The following GLIS3 variants were observed in gnomAD, a reference collection of about 807,000 sequenced individuals.
GLIS3 encodes the protein GLIS family zinc finger 3.
In GLIS3, 53 loss-of-function variants were observed where a neutral mutation model predicts 78.6. That is an observed-to-expected ratio of 0.67 (90% CI 0.54 to 0.85). The LOEUF (loss-of-function observed/expected upper bound fraction) is 0.85. Ranked by LOEUF, GLIS3 falls within the 40% of genes least tolerant of loss-of-function variation. The pLI, the probability that GLIS3 is intolerant of heterozygous loss-of-function variation, is 0.00. For synonymous variants in GLIS3, 684 were observed against 509.9 expected, an observed-to-expected ratio of 1.34 and a Z score of -4.60; for missense variants, 1,703 against 1,231.1, an observed-to-expected ratio of 1.38 and a Z score of -5.74.
the GLIS3 span, among the ~76,000 whole-genome samples, chr9:4,419,019 C>A: frequency 2.6e-5 from 4 of 152,138 alleles, no homozygotes; most frequent in African/African-American, 9.7e-5. Context: ...ATGACACAGG[C>A]CTTGCAATCT....
intron 2 of GLIS3, among the ~76,000 whole-genome samples, chr9:4,314,285 C>G (rs1817407475): frequency 6.6e-6 from 1 of 152,110 alleles, no homozygotes; most frequent in Admixed American, 6.5e-5. Context: ...AATCAAGAAC[C>G]CTTGACTTCC....
At chr9:4,007,533 T>A (rs1307487190) in intron 4 of GLIS3, among the ~76,000 whole-genome samples, 1 of 152,034 alleles carries the variant, frequency 6.6e-6, no homozygotes, top group African/African-American at 2.4e-5. Flanking sequence ...GTACTAACCA[T>A]CTCAGGGATA....
intron 4 of GLIS3, among the ~76,000 whole-genome samples, chr9:3,999,701 C>T (rs1213515437): frequency 6.6e-6 from 1 of 152,050 alleles, no homozygotes; most frequent in East Asian, 1.9e-4. Flanking sequence ...TATAATTGAT[C>T]TACATATTTA....
At chr9:4,144,472 A>G (rs1430711741) in intron 2 of GLIS3, among the ~76,000 whole-genome samples, 2 of 152,236 alleles carry the variant, frequency 1.3e-5, no homozygotes, top group Non-Finnish European at 2.9e-5. Context: ...TAGTCGGTCA[A>G]ATGAAAATTC....
intron 7 of GLIS3, among the ~76,000 whole-genome samples, chr9:3,886,223 C>A (rs147911805): frequency 2.0e-5 from 3 of 152,178 alleles, no homozygotes; most frequent in African/African-American, 7.2e-5. Context: ...TGTGGTGTTA[C>A]TTTACAAATG....
chr9:4,132,041 TG>T (rs1158585648), intron 2 of GLIS3, among the ~76,000 whole-genome samples: 5 of 150,580 alleles, frequency 3.3e-5, no homozygotes, highest in African/African-American at 1.2e-4. Flanking sequence ...CTACGGCCAA[TG>T]TTTTTTTTAA....
chr9:3,854,856 C>T (rs969779853), intron 9 of GLIS3, among the ~76,000 whole-genome samples: 1 of 152,086 alleles, frequency 6.6e-6, no homozygotes, highest in Non-Finnish European at 1.5e-5. Context: ...CTTTGATGTT[C>T]TTATCCAAGC....
Position 4,017,679 on chromosome 9 carries a change from T to C in GLIS3, c.1711-80490A>G, listed in dbSNP as rs115110222. Among the ~76,000 whole-genome samples the C allele has an allele frequency of 2.0e-3, 305 of 152,266 alleles. 2 individuals are homozygous for C. Among genetic ancestry groups the C allele is most frequent in the African/African-American group, 7.0e-3 (290 of 41,536 alleles). On this transcript the variant is annotated intron_variant, in intron 4 of 10. Coordinates refer to ENST00000381971, the MANE Select transcript of GLIS3 (RefSeq NM_001042413.2). The stretch of plus-strand genomic sequence containing the variant: ...GGAGGAGAAGAGTCACAGACAAAGA[T>C]AGAACCCAGGATGCATAGCCTGGTA...
chr9:4,015,713 C>T (rs549972469), intron 4 of GLIS3, among the ~76,000 whole-genome samples: 93 of 151,926 alleles, frequency 6.1e-4, no homozygotes, highest in African/African-American at 2.1e-3. Context: ...CAAGGTGAAA[C>T]CCCATCTCTA....
intron 2 of GLIS3, among the ~76,000 whole-genome samples, chr9:4,197,019 T>TA (rs1170573637): frequency 6.6e-6 from 1 of 152,002 alleles, no homozygotes; most frequent in Admixed American, 6.5e-5. Flanking sequence ...TTCACGGACA[T>TA]AGATCGTGGT....
chr9:3,958,115 A>C (rs1026012413), intron 4 of GLIS3, among the ~76,000 whole-genome samples: 3 of 152,200 alleles, frequency 2.0e-5, no homozygotes, highest in African/African-American at 7.2e-5. Flanking sequence ...CCACTCTCTC[A>C]GTTCCCTGGA....
intron 1 of GLIS3, 146 bp from the exon 2 acceptor site, chr9:4,286,669 A>G (rs1257876054): frequency 1.8e-6 from 1 of 565,232 alleles, no homozygotes; most frequent in Non-Finnish European, 3.2e-6. Context: ...GTCCTCAAAT[A>G]CACGGCTCAT....
At chr9:4,069,921 A>G (rs1312414183) in intron 4 of GLIS3, among the ~76,000 whole-genome samples, 4 of 151,986 alleles carry the variant, frequency 2.6e-5, no homozygotes, top group Non-Finnish European at 4.4e-5. Context: ...GGATGTCAGG[A>G]AGATAAGCTT....
chr9:3,998,559 C>T (rs887382635), intron 4 of GLIS3, among the ~76,000 whole-genome samples: 22 of 151,482 alleles, frequency 1.5e-4, no homozygotes, highest in Non-Finnish European at 2.9e-4. Context: ...TTTAAGATTT[C>T]TTTGCAGATT....
chr9:4,332,753 G>A (rs1209539260), intron 2 of GLIS3, among the ~76,000 whole-genome samples: 2 of 152,166 alleles, frequency 1.3e-5, no homozygotes, highest in Admixed American at 1.3e-4. Flanking sequence ...TATTGATACA[G>A]ATTAAATTTG....
intron 8 of GLIS3, among the ~76,000 whole-genome samples, chr9:3,874,087 T>C (rs1821145687): frequency 1.3e-5 from 2 of 152,232 alleles, no homozygotes; most frequent in Admixed American, 6.5e-5. Flanking sequence ...AGTTGACTGA[T>C]GGCTGGCAGC....
the GLIS3 span, among the ~76,000 whole-genome samples, chr9:4,364,889 T>C: frequency 3.3e-5 from 5 of 150,518 alleles, no homozygotes; most frequent in Non-Finnish European, 7.4e-5. Flanking sequence ...GCTCAAGCAA[T>C]CCTCTTGCCT....
At chr9:4,136,679 G>C (rs1054956384) in intron 2 of GLIS3, among the ~76,000 whole-genome samples, 8 of 152,162 alleles carry the variant, frequency 5.3e-5, no homozygotes, top group Non-Finnish European at 1.5e-5. Context: ...AAGTAGTAGG[G>C]TGTAGACACA....
At chr9:3,881,242 A>G (rs1264227042) in intron 7 of GLIS3, among the ~76,000 whole-genome samples, 1 of 152,206 alleles carries the variant, frequency 6.6e-6, no homozygotes, top group Non-Finnish European at 1.5e-5. Flanking sequence ...GGAATAATAA[A>G]GGTCATAGAG....
Sources: gnomAD v4.1 joint callset for allele counts (sites outside exome capture counted in the v4.1 genomes callset) on GRCh38, gnomAD v4.1.1 for gene constraint, MANE v1.5 for transcripts, NCBI Gene and HGNC (gene_info 2026-07-23, HGNC 2026-07-21) for gene names.